The following CEP290 variants were observed in gnomAD, a reference collection of about 807,000 sequenced individuals.
The protein encoded by CEP290 is centrosomal protein 290, also known as centrosomal protein of 290 kDa.
A neutral mutation model predicts 344.9 loss-of-function variants in CEP290; 317 were observed. The ratio of observed to expected loss-of-function variants is 0.92; its 90% CI spans 0.84 to 1.01. The LOEUF (loss-of-function observed/expected upper bound fraction) is 1.01, where lower values mean the gene tolerates loss of function less well. Ranked by LOEUF, CEP290 falls within the 50% of genes least tolerant of loss-of-function variation. CEP290 has a pLI of 0.00. For missense variants in CEP290, 2,754 were observed against 2,761.4 expected, an observed-to-expected ratio of 1.00 and a Z score of 0.06; for synonymous variants, 932 against 895.8, an observed-to-expected ratio of 1.04 and a Z score of -0.72.
At position 88,130,414 on chromosome 12, in the gene CEP290, G is replaced by T. The variant is rs202159966; in HGVS notation, c.523C>A (p.Gln175Lys). Residue 175 changes from glutamine (Q) to lysine (K), a missense_variant, in exon 9 of 54, where the codon CAA becomes AAA. Gln to Lys is a moderately conservative substitution (Grantham distance 53, BLOSUM62 1). Transcript: ENST00000552810. Reference protein sequence around the residue: ...ENKRLKKKNEQLCQDIIDYQK... With the variant: ...ENKRLKKKNEKLCQDIIDYQK... ...TAGTCAATAATATCCTGACAAAGTT[G>T]TTCATTCTGAAGGTAACCAAACACA... 370 of 1,603,370 alleles carry T rather than the reference G, an allele frequency of 2.3e-4. No individual in the cohort carries two copies. The highest frequency in any genetic ancestry group is 2.9e-4 in the Non-Finnish European group (340 of 1,176,918).
intron 31 of CEP290, among the ~76,000 whole-genome samples, chr12:88,088,581 A>T (rs547274122): frequency 6.6e-6 from 1 of 152,376 alleles, no homozygotes; most frequent in Non-Finnish European, 1.5e-5. Flanking sequence ...ACATTCAAAT[A>T]GCCAACACTG....
At chr12:88,073,710 T>C (rs80039838) in intron 41 of CEP290, among the ~76,000 whole-genome samples, 3,701 of 152,158 alleles carry the variant, frequency 0.024, 80 homozygotes, top group South Asian at 0.045. Flanking sequence ...GGCAGGAAGA[T>C]TGTTTGAGCC....
In CEP290 at chr12:88,087,802, T is replaced by C; in HGVS notation, c.4172A>G (p.Glu1391Gly). The change falls in exon 32 of 54, where the codon GAA becomes GGA. Residue 1391 changes from glutamate (E) to glycine (G), a missense_variant. Glu to Gly is a moderately conservative substitution (Grantham distance 98). Coordinates refer to ENST00000552810, the MANE Select transcript of CEP290 (RefSeq NM_025114.4). ...EYERTISSLE[E>G]EIVQQNKFHE... ...AACCTTGTTCTGTTGCACAATTTCT[T>C]CTTCAAGACTGCTGATTGTACGTTC... The C allele has an allele frequency of 7.8e-7, 1 of 1,279,746 alleles. No homozygotes were observed. Among genetic ancestry groups the C allele is most frequent in the Non-Finnish European group, 1.0e-6 (1 of 991,414 alleles). The allele number at this position is 1,279,746 out of a possible 1,614,324, so 79.3% of individuals were successfully genotyped here. A position where few individuals can be genotyped will look rare whatever the true frequency, so the allele number is the denominator to read the frequency against.
At chr12:88,099,338 C>G (rs773870372) in intron 26 of CEP290, among the ~76,000 whole-genome samples, 1 of 152,010 alleles carries the variant, frequency 6.6e-6, no homozygotes, top group Non-Finnish European at 1.5e-5. Context: ...ATTGTGGACA[C>G]GTTAAATTTG....
chr12:88,066,413 C>T (rs972219376), intron 44 of CEP290, among the ~76,000 whole-genome samples: 2 of 151,974 alleles, frequency 1.3e-5, no homozygotes, highest in African/African-American at 4.8e-5. Context: ...GATCTGCCCA[C>T]CTCTGCCTCC....
rs1378402831 is a variant in CEP290 at position 88,106,833 on chromosome 12, T to C, written c.2659A>G (p.Thr887Ala). 6.2e-7 allele frequency: 1 copy of C among 1,608,470 alleles called. No individual in the cohort carries two copies. The highest frequency in any genetic ancestry group is 8.5e-7 in the Non-Finnish European group (1 of 1,177,034). Reference protein sequence around the residue: ...KILAENSRKITVLQVNEKSLI... With the variant: ...KILAENSRKIAVLQVNEKSLI... ...GATTTTTCATTCACTTGCAAAACAG[T>C]AATTTTCCTACTATTTTCTGCAAGT... Residue 887 changes from threonine (T) to alanine (A), a missense_variant, in exon 25 of 54, where the codon ACT becomes GCT. Transcript: ENST00000552810.
chr12:88,119,556 T>C (rs1046378251), intron 15 of CEP290, among the ~76,000 whole-genome samples: 2 of 152,146 alleles, frequency 1.3e-5, no homozygotes, highest in Non-Finnish European at 2.9e-5. Flanking sequence ...CCCAGCACTT[T>C]GGGAGGCCAA....
At position 88,136,758 on chromosome 12, in the gene CEP290, T is replaced by C. The variant is rs2040374381; in HGVS notation, c.326A>G (p.Asp109Gly). The C allele has an allele frequency of 6.2e-7, 1 of 1,613,592 alleles. No homozygotes were observed. The highest frequency in any genetic ancestry group is 8.5e-7 in the Non-Finnish European group (1 of 1,179,762). Residue 109 changes from aspartate to glycine, a missense_variant, in exon 6 of 54, where the codon GAT (aspartate) becomes GGT (glycine). Coordinates refer to ENST00000552810, the MANE Select transcript of CEP290 (RefSeq NM_025114.4). ...AATTTCATTACGTAAAAACCGAGTA[T>C]CTCGTCCACCTGCAGACTGCTGAGC... ...EMAQQSAGGRDTRFLRNEICQ... is the reference protein window; with the variant it reads ...EMAQQSAGGRGTRFLRNEICQ...
At chr12:88,133,933 G>A (rs972485108) in intron 6 of CEP290, among the ~76,000 whole-genome samples, 3 of 152,032 alleles carry the variant, frequency 2.0e-5, no homozygotes, top group Non-Finnish European at 4.4e-5. Context: ...ATCACACTCT[G>A]TTTCTCCTTT....
chr12:88,087,873 C>T lies in CEP290; in HGVS notation c.4101G>A (p.Lys1367=). 2 of 1,236,860 alleles carry T rather than the reference C, an allele frequency of 1.6e-6. No individual in the cohort carries two copies. Among genetic ancestry groups the T allele is most frequent in the South Asian group, 3.2e-5 (1 of 31,120 alleles). 76.6% of individuals were successfully genotyped at this position (1,236,860 alleles called of 1,614,324 possible). Residue 1367 remains lysine (K), a synonymous_variant, in exon 32 of 54, where the codon AAG becomes AAA. Transcript: ENST00000552810. The part of the protein sequence containing the change: ...QELKLNRELV[K]DKEEIKYLNN... ...TCAAATATTTTATTTCTTCTTTATC[C>T]TTGACTAATTCCCGATTTAGTTTAA...
Position 88,086,181 on chromosome 12 carries a change from G to A in CEP290, c.4303-8C>T. 2 of 1,602,440 alleles carry A rather than the reference G, an allele frequency of 1.2e-6. No individual in the cohort carries two copies. The highest frequency in any genetic ancestry group is 1.7e-6 in the Non-Finnish European group (2 of 1,177,544). On this transcript the variant is annotated splice_region_variant and splice_polypyrimidine_tract_variant and intron_variant, in intron 33 of 53. Coordinates refer to ENST00000552810, the MANE Select transcript of CEP290 (RefSeq NM_025114.4). ...TCCTGTAGCTTCTTCAAACTATTAA[G>A]AAATAGTATGTTTTTTAAAAAAGCA...
At chr12:88,083,409 C>T (rs1247574476) in intron 36 of CEP290, among the ~76,000 whole-genome samples, 179 bp from the exon 37 acceptor site, 1 of 152,108 alleles carries the variant, frequency 6.6e-6, no homozygotes, top group African/African-American at 2.4e-5. Flanking sequence ...TTTGTATTTA[C>T]AATAGCTAGC....
chr12:88,101,732 CATT>C (rs2137521373), intron 26 of CEP290, among the ~76,000 whole-genome samples: 1 of 151,574 alleles, frequency 6.6e-6, no homozygotes, highest in East Asian at 1.9e-4. Flanking sequence ...AAACATCACT[CATT>C]GATACATTAT....
intron 27 of CEP290, among the ~76,000 whole-genome samples, chr12:88,094,268 G>A (rs1270217563): frequency 6.6e-6 from 1 of 151,876 alleles, no homozygotes; most frequent in African/African-American, 2.4e-5. Context: ...GTGTAGAAGT[G>A]TCACATATAA....
At chr12:88,055,452 G>T in intron 50 of CEP290, 124 bp downstream of exon 50, 1 of 726,726 alleles carries the variant, frequency 1.4e-6, no homozygotes, top group Non-Finnish European at 2.0e-6. Flanking sequence ...TGGGTGAATG[G>T]GGTGCCCTTC....
At chr12:88,140,875 C>G in intron 3 of CEP290, 81 bp downstream of exon 3, 1 of 872,582 alleles carries the variant, frequency 1.1e-6, no homozygotes, top group South Asian at 1.8e-5. Context: ...GGTATTTTCA[C>G]AAAGATTACC....
chr12:88,106,967 C>A, intron 24 of CEP290, 29 bp downstream of exon 24: 1 of 1,535,820 alleles, frequency 6.5e-7, no homozygotes, highest in South Asian at 1.2e-5. Context: ...TACAATATTG[C>A]ATACTAATGT....
At chr12:88,072,239 T>C (rs961106572) in intron 41 of CEP290, among the ~76,000 whole-genome samples, 1 of 152,118 alleles carries the variant, frequency 6.6e-6, no homozygotes, top group Non-Finnish European at 1.5e-5. Context: ...ACACATAGCT[T>C]GGAGGTAGTA....
Position 88,077,886 on chromosome 12 carries a change from T to C in CEP290, c.5397A>G (p.Leu1799=), listed in dbSNP as rs1000385105. The change falls in exon 40 of 54, where the codon TTA becomes TTG. Residue 1799 remains leucine (L), a synonymous_variant. Transcript: ENST00000552810. Reference sequence around the variant, plus strand: ...TTGTTTTAAGTGCTTCTTTCAATTTTAAAAGATTTTCATTTAAATCTTCAA... The same window carrying C: ...TTGTTTTAAGTGCTTCTTTCAATTTCAAAAGATTTTCATTTAAATCTTCAA... ...TQVEDLNENL[L]KLKEALKTSK... 2.2e-6 allele frequency: 3 copies of C among 1,378,812 alleles called. No homozygotes were observed. The allele number at this position is 1,378,812 out of a possible 1,614,324, so 85.4% of individuals were successfully genotyped here.
Sources: gnomAD v4.1 joint callset for allele counts (sites outside exome capture counted in the v4.1 genomes callset) on GRCh38, gnomAD v4.1.1 for gene constraint, MANE v1.5 for transcripts, NCBI Gene and HGNC (gene_info 2026-07-23, HGNC 2026-07-21) for gene names.